GATA3: variants seen among roughly 807,000 people sequenced by gnomAD.
The protein encoded by GATA3 is trans-acting T-cell-specific transcription factor GATA-3.
In GATA3, 6 loss-of-function variants were observed where a neutral mutation model predicts 36.0. The observed-to-expected ratio is 0.17, with a 90% confidence interval of 0.09 to 0.33. The LOEUF is 0.33. Ranked by LOEUF, GATA3 falls within the 10% of genes least tolerant of loss-of-function variation. The pLI, the probability that GATA3 is intolerant of heterozygous loss-of-function variation, is 1.00. For synonymous variants in GATA3, 326 were observed against 273.0 expected, an observed-to-expected ratio of 1.19 and a Z score of -1.92; for missense variants, 514 against 610.1, an observed-to-expected ratio of 0.84 and a Z score of 1.66.
upstream of GATA3, among the ~76,000 whole-genome samples, chr10:8,049,703 C>A (rs11255501): frequency 0.011 from 1,659 of 152,260 alleles, 26 homozygotes; most frequent in African/African-American, 0.038. Context: ...CTTGCGCGGC[C>A]AGGGTAACCT....
At chr10:8,049,230 G>C (rs1177991167), upstream of GATA3, among the ~76,000 whole-genome samples, 1 of 151,958 alleles carries the variant, frequency 6.6e-6, no homozygotes, top group Non-Finnish European at 1.5e-5. Context: ...CGGGGCGCGT[G>C]GGCGTGGGAG....
In GATA3 at chr10:8,074,006, G is replaced by A. The variant is rs2131523075; in HGVS notation, c.1318G>A (p.Val440Ile). Residue 440 changes from valine (V) to isoleucine (I), a missense_variant, in exon 6 of 6, where the codon GTC (valine) becomes ATC (isoleucine). Val to Ile is a conservative substitution (Grantham distance 29, BLOSUM62 3). Around this residue, in one of 3 missense-constraint regions of GATA3, gnomAD observed 89 missense variants for 104.2 expected, o/e 0.85. Transcript: ENST00000379328. ...TGGACCACACCACCCCTCCAGCATG[G>A]TCACCGCCATGGGTTAGAGCCCTGC... ...SFGPHHPSSM[V>I]TAMG The A allele has an allele frequency of 1.2e-6, 2 of 1,614,030 alleles. No homozygotes were observed. Among genetic ancestry groups the A allele is most frequent in the Non-Finnish European group, 1.7e-6 (2 of 1,179,984 alleles).
chr10:8,069,176 GTAGGAGGC>G (rs1832890978), intron 4 of GATA3, among the ~76,000 whole-genome samples: 1 of 152,120 alleles, frequency 6.6e-6, no homozygotes, highest in African/African-American at 2.4e-5. Context: ...TGGGTTGAGG[GTAGGAGGC>G]TAAGACTGCC....
intron 4 of GATA3, among the ~76,000 whole-genome samples, chr10:8,067,806 A>G (rs1307882602): frequency 6.6e-6 from 1 of 151,794 alleles, no homozygotes; most frequent in Non-Finnish European, 1.5e-5. Context: ...CGACAGAGCG[A>G]GACTCCGTCT....
At chr10:8,056,321 C>A (rs1288640976) in intron 2 of GATA3, among the ~76,000 whole-genome samples, 2 of 152,208 alleles carry the variant, frequency 1.3e-5, no homozygotes, top group East Asian at 3.9e-4. Flanking sequence ...TTCCAAAAAA[C>A]CTGGCGTTCC....
chr10:8,055,646 A>G lies in GATA3; in HGVS notation c.-10A>G. Reference sequence around the variant, plus strand: ...GGGCCCGGCGAGAGGGCGCGAGCACAGCCGAGGCCATGGAGGTGACGGCGG... The same window carrying G: ...GGGCCCGGCGAGAGGGCGCGAGCACGGCCGAGGCCATGGAGGTGACGGCGG... On this transcript the variant is annotated 5_prime_UTR_variant, in exon 2 of 6. Coordinates refer to ENST00000379328, the MANE Select transcript of GATA3 (RefSeq NM_001002295.2). This position sits in a 1 kb window ranked among gnomAD's most constrained non-coding sequence, Gnocchi z 5.4. 1 of 1,552,484 alleles carries G rather than the reference A, an allele frequency of 6.4e-7. No individual in the cohort carries two copies. Among genetic ancestry groups the G allele is most frequent in the Non-Finnish European group, 8.7e-7 (1 of 1,149,372 alleles).
intron 5 of GATA3, among the ~76,000 whole-genome samples, 160 bp downstream of exon 5, chr10:8,069,758 C>A (rs906609786): frequency 2.0e-5 from 3 of 152,186 alleles, no homozygotes; most frequent in Non-Finnish European, 4.4e-5. Context: ...ACTACTTTGT[C>A]TAGCATAGCC....
At chr10:8,072,092 G>A (rs1832939332) in intron 5 of GATA3, among the ~76,000 whole-genome samples, 1 of 152,132 alleles carries the variant, frequency 6.6e-6, no homozygotes, top group Non-Finnish European at 1.5e-5. Flanking sequence ...ACCTTTCTGG[G>A]CTCTCCTGCC....
At chr10:8,067,551 G>A (rs1466765803) in intron 4 of GATA3, among the ~76,000 whole-genome samples, 1 of 152,190 alleles carries the variant, frequency 6.6e-6, no homozygotes, top group Non-Finnish European at 1.5e-5. Context: ...GGGTGCGGTG[G>A]CTCACTCCTG....
intron 4 of GATA3, among the ~76,000 whole-genome samples, chr10:8,068,684 T>A (rs1273782592): frequency 6.6e-6 from 1 of 152,126 alleles, no homozygotes; most frequent in Non-Finnish European, 1.5e-5. Flanking sequence ...AGCCGTGAGG[T>A]GGAGGTTGCA....
intron 3 of GATA3, among the ~76,000 whole-genome samples, chr10:8,063,364 T>G (rs1754704001): frequency 1.3e-5 from 2 of 152,200 alleles, no homozygotes; most frequent in African/African-American, 4.8e-5. Flanking sequence ...TGGGTCCTAA[T>G]CGCTTCCTTT....
chr10:8,059,395 T>C (rs1337971192), intron 3 of GATA3, among the ~76,000 whole-genome samples: 1 of 152,198 alleles, frequency 6.6e-6, no homozygotes, highest in Non-Finnish European at 1.5e-5. Context: ...TGCACGCATA[T>C]TCTCTGCGTG....
At chr10:8,067,533 C>T (rs1392329015) in intron 4 of GATA3, among the ~76,000 whole-genome samples, 2 of 152,172 alleles carry the variant, frequency 1.3e-5, no homozygotes, top group Non-Finnish European at 1.5e-5. Context: ...GTACCAGAAT[C>T]CCAGGCCGGG....
Position 8,064,027 on chromosome 10 carries a change from G to A in GATA3, c.813G>A (p.Ser271=), listed in dbSNP as rs2131500509. 1.2e-6 allele frequency: 2 copies of A among 1,614,094 alleles called. No homozygotes were observed. Among genetic ancestry groups the A allele is most frequent in the Non-Finnish European group, 1.7e-6 (2 of 1,180,020 alleles). ...GRECVNCGAT[S]TPLWRRDGTG... is the part of the protein sequence containing the mutation. ...AGTGTGTGAACTGTGGGGCAACCTC[G>A]ACCCCACTGTGGCGGCGAGATGGCA... Residue 271 remains serine (S), a synonymous_variant, in exon 4 of 6, where the codon TCG becomes TCA. Coordinates refer to ENST00000379328, the MANE Select transcript of GATA3 (RefSeq NM_001002295.2).
intron 3 of GATA3, among the ~76,000 whole-genome samples, chr10:8,061,066 G>GCTCTCTCTCT (rs111353803): frequency 1.1e-4 from 17 of 149,044 alleles, no homozygotes; most frequent in African/African-American, 3.7e-4. Context: ...TTTAGTGGTT[G>GCTCTCTCTCT]CTCTCTCTCT....
At chr10:8,069,622 A>C (rs1832899826) in intron 5 of GATA3, 24 bp downstream of exon 5, 1 of 1,613,880 alleles carries the variant, frequency 6.2e-7, no homozygotes. Flanking sequence ...GATCAGCAAG[A>C]ACAGGGCTCG....
intron 4 of GATA3, among the ~76,000 whole-genome samples, chr10:8,064,983 T>C (rs1040434688): frequency 6.6e-5 from 10 of 152,160 alleles, no homozygotes; most frequent in African/African-American, 2.4e-4. Context: ...CTTTGGAAGT[T>C]TGAATAGTGA....
rs1280048081 is a variant in GATA3 at position 8,055,003 on chromosome 10, G to A, written c.-370+112G>A. 5.8e-6 allele frequency: 1 copy of A among 173,314 alleles called. No homozygotes were observed. The highest frequency in any genetic ancestry group is 1.2e-5 in the Non-Finnish European group (1 of 80,378). The allele number at this position is 173,314 out of a possible 1,614,324, so 10.7% of individuals were successfully genotyped here. The stretch of plus-strand genomic sequence containing the variant: ...ACTCTCCTCTTTTGGAGGTTTTCTA[G>A]GGGCTGAGAGGACGGTCCCGGGACC... On this transcript the variant is annotated intron_variant, in intron 1 of 5. Transcript: ENST00000379328. The surrounding 1 kb of genome is among the most constrained non-coding windows in gnomAD (Gnocchi z 5.4).
chr10:8,061,776 A>G (rs1395903640), intron 3 of GATA3, among the ~76,000 whole-genome samples: 3 of 152,194 alleles, frequency 2.0e-5, no homozygotes, highest in Non-Finnish European at 4.4e-5. Flanking sequence ...TGCAAATGAG[A>G]GGAAATCAGA....
Sources: gnomAD v4.1 joint callset for allele counts (sites outside exome capture counted in the v4.1 genomes callset) on GRCh38, gnomAD v4.1.1 for gene constraint, gnomAD v4.1.1 regional missense constraint, Gnocchi (gnomAD v3.1) non-coding constraint, MANE v1.5 for transcripts, NCBI Gene and HGNC (gene_info 2026-07-23, HGNC 2026-07-21) for gene names.